Variants in SOX5 observed in about 807,000 individuals in gnomAD.
SOX5 encodes transcription factor SOX-5.
In SOX5, 9 loss-of-function variants were observed where a neutral mutation model predicts 92.0. That is an observed-to-expected ratio of 0.10 (90% CI 0.06 to 0.17). The LOEUF (loss-of-function observed/expected upper bound fraction) is 0.17. Ranked by LOEUF, SOX5 falls within the 10% of genes least tolerant of loss-of-function variation. SOX5 has a pLI of 1.00. For missense variants in SOX5, 642 were observed against 944.5 expected (o/e 0.68, Z 4.20); for synonymous variants, 344 against 336.3 (o/e 1.02, Z -0.25).
intron 1 of SOX5, chr12:23,944,076 C>T (rs1027534861): frequency 2.6e-5 from 4 of 152,004 alleles, no homozygotes; most frequent in African/African-American, 7.2e-5. Context: ...TGTCCTAAAA[C>T]GACATTGTTT....
intron 1 of SOX5, among the ~76,000 whole-genome samples, chr12:24,399,249 C>G (rs959991260): frequency 6.6e-6 from 1 of 152,150 alleles, no homozygotes; most frequent in Non-Finnish European, 1.5e-5. Flanking sequence ...CAGCGTCTCC[C>G]CATACCTGGG....
At position 24,409,332 on chromosome 12, in the gene SOX5, C is replaced by T. The variant is rs114869608; in HGVS notation, c.-250-40693G>A. On this transcript the variant is annotated intron_variant, in intron 1 of 4. Transcript: ENST00000446891. ...GAACAATATACACCACCAGAGCCTG[C>T]TGTGGGGTGGGGAGTGAGGGGAGGG... Among the ~76,000 whole-genome samples the T allele has an allele frequency of 5.9e-3, 891 of 152,148 alleles. 9 individuals carry two copies. The highest frequency in any genetic ancestry group is 0.021 in the African/African-American group (871 of 41,516).
intron 2 of SOX5, among the ~76,000 whole-genome samples, chr12:24,288,802 C>G (rs1030288410): frequency 6.6e-6 from 1 of 151,766 alleles, no homozygotes; most frequent in Non-Finnish European, 1.5e-5. Context: ...CTCCCCACCA[C>G]CTGCACACCA....
At chr12:24,201,903 C>G (rs1262980041) in intron 4 of SOX5, among the ~76,000 whole-genome samples, 3 of 152,306 alleles carry the variant, frequency 2.0e-5, no homozygotes, top group East Asian at 1.9e-4. Flanking sequence ...TGCTTTCCCT[C>G]TATGAAAACA....
At chr12:23,950,308 G>A (rs1240227107), upstream of SOX5, among the ~76,000 whole-genome samples, 1 of 151,622 alleles carries the variant, frequency 6.6e-6, no homozygotes, top group African/African-American at 2.4e-5. Context: ...ATCAGGCATT[G>A]TTCTGAGGGA....
chr12:23,966,977 GAA>G (rs1947658641), intron 4 of SOX5, among the ~76,000 whole-genome samples: 1 of 152,120 alleles, frequency 6.6e-6, no homozygotes, highest in African/African-American at 2.4e-5. Flanking sequence ...GAATGATGCT[GAA>G]AAGAGCAATG....
At chr12:23,937,307 T>C (rs1329348152) in intron 1 of SOX5, among the ~76,000 whole-genome samples, 1 of 150,942 alleles carries the variant, frequency 6.6e-6, no homozygotes, top group Non-Finnish European at 1.5e-5. Context: ...ATATATGATA[T>C]TTACCAATAC....
chr12:23,825,168 T>C (rs2096206128), intron 3 of SOX5, among the ~76,000 whole-genome samples: 1 of 152,156 alleles, frequency 6.6e-6, no homozygotes, highest in Non-Finnish European at 1.5e-5. Context: ...GCTCAGTGCC[T>C]GCCCAAACGG....
intron 4 of SOX5, among the ~76,000 whole-genome samples, chr12:23,976,738 A>T (rs1315943406): frequency 6.6e-6 from 1 of 152,140 alleles, no homozygotes; most frequent in African/African-American, 2.4e-5. Flanking sequence ...GTAAGGAAGA[A>T]CATCAGTCCC....
At chr12:23,761,481 C>T (rs192836688) in intron 3 of SOX5, among the ~76,000 whole-genome samples, 16 of 152,156 alleles carry the variant, frequency 1.1e-4, no homozygotes, top group Admixed American at 3.9e-4. Context: ...TGGGAGATGA[C>T]CGTGTGTATG....
chr12:24,377,066 C>A (rs1276955850), intron 1 of SOX5, among the ~76,000 whole-genome samples: 1 of 152,048 alleles, frequency 6.6e-6, no homozygotes, highest in Non-Finnish European at 1.5e-5. Context: ...TCTCCTCTTA[C>A]AGATGTAGAT....
chr12:24,238,576 T>C (rs1023310789), intron 3 of SOX5, among the ~76,000 whole-genome samples: 5 of 152,238 alleles, frequency 3.3e-5, no homozygotes, highest in African/African-American at 1.2e-4. Flanking sequence ...AGGTTGGTCT[T>C]AAACTCCTGA....
chr12:24,314,358 C>T (rs77709476), intron 2 of SOX5, among the ~76,000 whole-genome samples: 1,841 of 124,944 alleles, frequency 0.015, 41 homozygotes, highest in African/African-American at 0.055. Flanking sequence ...CACATCAGAG[C>T]CTGTTGTGGA....
Position 23,543,116 on chromosome 12 carries a change from T to C in SOX5, c.1771+95A>G, listed in dbSNP as rs1246520466. 6 of 986,558 alleles carry C rather than the reference T, an allele frequency of 6.1e-6. No homozygotes were observed. In the East Asian group the frequency reaches 1.5e-4, roughly 24 times the overall value. 61.1% of individuals were successfully genotyped at this position (986,558 alleles called of 1,614,324 possible). ...TTCTGGATAAGCAAATAACACGACC[T>C]GTATGGCCTCCAAATCCAGGATCCT... On this transcript the variant is annotated intron_variant, in intron 13 of 14. Transcript: ENST00000451604.
At chr12:24,013,294 T>C (rs2136560814) in intron 4 of SOX5, among the ~76,000 whole-genome samples, 1 of 152,276 alleles carries the variant, frequency 6.6e-6, no homozygotes, top group Non-Finnish European at 1.5e-5. Flanking sequence ...TTAACTGCTA[T>C]AACTACTTCC....
At chr12:24,333,771 GGTT>G (rs1386895436) in intron 2 of SOX5, among the ~76,000 whole-genome samples, 2 of 150,278 alleles carry the variant, frequency 1.3e-5, no homozygotes, top group East Asian at 2.0e-4. Flanking sequence ...TAACTTTTTT[GGTT>G]GTTGTTAATG....
intron 9 of SOX5, among the ~76,000 whole-genome samples, chr12:23,598,018 T>C (rs181611057): frequency 1.1e-3 from 162 of 152,304 alleles, no homozygotes; most frequent in African/African-American, 3.8e-3. Context: ...TGCTGATATG[T>C]AGAGATAAAT....
chr12:24,452,858 T>C (rs997879881), intron 1 of SOX5, among the ~76,000 whole-genome samples: 1 of 152,232 alleles, frequency 6.6e-6, no homozygotes, highest in Non-Finnish European at 1.5e-5. Context: ...ATGTTAGAAT[T>C]GAGCATATTC....
chr12:23,588,325 T>C (rs773440036), intron 9 of SOX5, among the ~76,000 whole-genome samples: 1 of 152,016 alleles, frequency 6.6e-6, no homozygotes, highest in Non-Finnish European at 1.5e-5. Context: ...GTATCAAAGC[T>C]CTCACAGAAT....
Sources: gnomAD v4.1 joint callset for allele counts (sites outside exome capture counted in the v4.1 genomes callset) on GRCh38, gnomAD v4.1.1 for gene constraint, MANE v1.5 for transcripts, NCBI Gene and HGNC (gene_info 2026-07-23, HGNC 2026-07-21) for gene names.